LMBR1: variants seen among roughly 807,000 people sequenced by gnomAD.
LMBR1 encodes the protein limb region 1 protein homolog.
A neutral mutation model predicts 73.9 loss-of-function variants in LMBR1; 52 were observed. The observed-to-expected ratio is 0.70, with a 90% confidence interval of 0.56 to 0.89. The LOEUF is 0.89. Among genes scored for constraint, LMBR1 ranks in the 40% least tolerant of loss-of-function variants. The pLI is 0.00. For synonymous variants in LMBR1, 215 were observed against 209.4 expected, an observed-to-expected ratio of 1.03 and a Z score of -0.23; for missense variants, 539 against 579.8, an observed-to-expected ratio of 0.93 and a Z score of 0.72.
chr7:156,834,506 G>A (rs1390391699), intron 2 of LMBR1: 2 of 301,372 alleles, frequency 6.6e-6, no homozygotes, highest in African/African-American at 2.3e-5. Context: ...AGGAGGCTGA[G>A]GTTGGAGAAT....
chr7:156,762,974 T>C, intron 7 of LMBR1, 134 bp downstream of exon 7: 1 of 562,972 alleles, frequency 1.8e-6, no homozygotes, highest in Non-Finnish European at 3.2e-6. Flanking sequence ...AAAATTTATT[T>C]TGAATAAAAA....
At chr7:156,676,649 ATGT>A, downstream of LMBR1, 1 of 1,612,558 alleles carries the variant, frequency 6.2e-7, no homozygotes, top group Non-Finnish European at 8.5e-7. Context: ...AGATTCTTGA[ATGT>A]TGAATTCATA....
chr7:156,673,919 A>G (rs73163978), downstream of LMBR1, among the ~76,000 whole-genome samples: 9 of 150,186 alleles, frequency 6.0e-5, no homozygotes, highest in Non-Finnish European at 7.4e-5. Flanking sequence ...AAAAAAAAAA[A>G]AAAGAAAAAG....
At chr7:156,724,920 T>C (rs1349583005) in intron 14 of LMBR1, among the ~76,000 whole-genome samples, 3 of 152,154 alleles carry the variant, frequency 2.0e-5, no homozygotes, top group Non-Finnish European at 4.4e-5. Context: ...TTTATAAAGA[T>C]TCAGTCACTA....
intron 12 of LMBR1, 51 bp from the exon 13 acceptor site, chr7:156,725,888 G>A: frequency 7.1e-7 from 1 of 1,413,550 alleles, no homozygotes; most frequent in South Asian, 1.2e-5. Context: ...CATTATATTG[G>A]TTTCCCTAAA....
At chr7:156,733,144 T>A (rs1817181566) in intron 10 of LMBR1, among the ~76,000 whole-genome samples, 1 of 151,812 alleles carries the variant, frequency 6.6e-6, no homozygotes, top group South Asian at 2.1e-4. Flanking sequence ...GACTCTGTCT[T>A]AAAAAACAAA....
At chr7:156,737,718 T>TTTTTTTTTTTG in intron 9 of LMBR1, among the ~76,000 whole-genome samples, 1 of 152,142 alleles carries the variant, frequency 6.6e-6, no homozygotes, top group South Asian at 2.1e-4. Flanking sequence ...ATCCCATTTT[T>TTTTTTTTTTTG]ATGGAACCTG....
intron 9 of LMBR1, among the ~76,000 whole-genome samples, chr7:156,735,561 T>TTTC (rs1554492509): frequency 1.5e-4 from 23 of 151,030 alleles, no homozygotes; most frequent in African/African-American, 5.6e-4. Context: ...TTTTTTTTTT[T>TTTC]CATTATGCAA....
At chr7:156,760,118 G>C (rs1356524788) in intron 8 of LMBR1, among the ~76,000 whole-genome samples, 1 of 152,142 alleles carries the variant, frequency 6.6e-6, no homozygotes, top group Non-Finnish European at 1.5e-5. Flanking sequence ...AGGACTGGTG[G>C]GAAAGTTGTT....
chr7:156,877,008 A>C (rs569481648), intron 1 of LMBR1, among the ~76,000 whole-genome samples: 5 of 152,272 alleles, frequency 3.3e-5, no homozygotes, highest in South Asian at 2.1e-4. Flanking sequence ...AACAAACAAA[A>C]AAAATACAAA....
chr7:156,675,733 A>C (rs200222056), downstream of LMBR1: 276 of 1,613,926 alleles, frequency 1.7e-4, no homozygotes, highest in Non-Finnish European at 2.2e-4. Context: ...TGCTCATACA[A>C]CACCAACATT....
chr7:156,852,535 T>C (rs1246612956), intron 1 of LMBR1, among the ~76,000 whole-genome samples: 1 of 152,204 alleles, frequency 6.6e-6, no homozygotes, highest in East Asian at 1.9e-4. Context: ...AGTAATCCTT[T>C]AGAGATCTAT....
chr7:156,673,340 A>G (rs1414089957), downstream of LMBR1, among the ~76,000 whole-genome samples: 1 of 152,250 alleles, frequency 6.6e-6, no homozygotes, highest in Non-Finnish European at 1.5e-5. Context: ...GTAACTGTGT[A>G]TATTTCCAAG....
chr7:156,778,066 C>T (rs901194882), intron 5 of LMBR1, among the ~76,000 whole-genome samples: 2 of 152,160 alleles, frequency 1.3e-5, no homozygotes, highest in African/African-American at 2.4e-5. Flanking sequence ...CAAATAATAA[C>T]AAGAACTGTC....
chr7:156,731,021 A>G (rs1472322219), intron 10 of LMBR1, among the ~76,000 whole-genome samples: 3 of 152,236 alleles, frequency 2.0e-5, no homozygotes, highest in African/African-American at 7.2e-5. Flanking sequence ...TGGATTTATC[A>G]GAAAGATGCT....
chr7:156,747,686 C>T (rs1820090906), intron 9 of LMBR1, among the ~76,000 whole-genome samples: 1 of 151,758 alleles, frequency 6.6e-6, no homozygotes, highest in African/African-American at 2.4e-5. Context: ...TTTAATTTAC[C>T]ATATAACCAA....
At chr7:156,888,866 C>A (rs1482024494) in intron 1 of LMBR1, among the ~76,000 whole-genome samples, 1 of 152,006 alleles carries the variant, frequency 6.6e-6, no homozygotes, top group African/African-American at 2.4e-5. Context: ...ACCAGCCTGG[C>A]CAACATGGTG....
chr7:156,817,636 C>G (rs1834132429), intron 4 of LMBR1, among the ~76,000 whole-genome samples: 1 of 152,030 alleles, frequency 6.6e-6, no homozygotes, highest in South Asian at 2.1e-4. Flanking sequence ...GACTTTTTAT[C>G]TTCACATAAC....
At chr7:156,716,507 A>G (rs1412436354) in intron 15 of LMBR1, among the ~76,000 whole-genome samples, 1 of 152,248 alleles carries the variant, frequency 6.6e-6, no homozygotes, top group Non-Finnish European at 1.5e-5. Context: ...TAATTTTCAA[A>G]GAAGTGCACG....
Sources: allele counts gnomAD v4.1 joint callset (sites outside exome capture counted in the v4.1 genomes callset), GRCh38; gene constraint gnomAD v4.1.1; transcripts MANE v1.5; gene names NCBI Gene and HGNC (gene_info 2026-07-23, HGNC 2026-07-21).